The following UACA variants were observed in gnomAD, a reference collection of about 807,000 sequenced individuals.
The protein encoded by UACA is uveal autoantigen with coiled-coil domains and ankyrin repeats.
A neutral mutation model predicts 160.5 loss-of-function variants in UACA; 112 were observed. That is an observed-to-expected ratio of 0.70 (90% CI 0.60 to 0.82). The LOEUF (loss-of-function observed/expected upper bound fraction) is 0.82, where lower values mean the gene tolerates loss of function less well. Among genes scored for constraint, UACA ranks in the 40% least tolerant of loss-of-function variants. UACA has a pLI of 0.00. For missense variants in UACA, 1,574 were observed against 1,614.6 expected (o/e 0.97, Z 0.43); for synonymous variants, 557 against 568.4 (o/e 0.98, Z 0.29).
chr15:70,711,190 T>A (rs1265249921), intron 1 of UACA, among the ~76,000 whole-genome samples: 3 of 152,114 alleles, frequency 2.0e-5, no homozygotes, highest in East Asian at 3.9e-4. Flanking sequence ...TTCAGAAAAA[T>A]TTATATTTAT....
intron 9 of UACA, among the ~76,000 whole-genome samples, 170 bp downstream of exon 9, chr15:70,682,588 G>C (rs1897549437): frequency 1.3e-5 from 2 of 152,102 alleles, no homozygotes; most frequent in Non-Finnish European, 2.9e-5. Flanking sequence ...ATAGTATCTT[G>C]ATAGGACCTC....
At chr15:70,745,777 G>C (rs1269021623) in intron 1 of UACA, among the ~76,000 whole-genome samples, 1 of 152,092 alleles carries the variant, frequency 6.6e-6, no homozygotes, top group Non-Finnish European at 1.5e-5. Context: ...TAGACCAATG[G>C]AACAGAACAG....
chr15:70,715,750 G>A (rs192538426), intron 1 of UACA, among the ~76,000 whole-genome samples: 30 of 152,032 alleles, frequency 2.0e-4, no homozygotes, highest in Admixed American at 1.8e-3. Context: ...AAAATACATG[G>A]CCAAATTAAT....
the UACA span, chr15:70,778,815 A>G: frequency 3.5e-4 from 53 of 152,216 alleles, no homozygotes; most frequent in African/African-American, 1.3e-3. Flanking sequence ...CCATTTGTCT[A>G]CTGCATTCCA....
chr15:70,670,698 A>C (rs759224113), intron 15 of UACA, among the ~76,000 whole-genome samples: 5 of 152,052 alleles, frequency 3.3e-5, no homozygotes, highest in Non-Finnish European at 5.9e-5. Flanking sequence ...CCAAAAAATT[A>C]TATTTTGGAT....
At chr15:70,721,953 A>T (rs2140988648) in intron 1 of UACA, among the ~76,000 whole-genome samples, 2 of 152,378 alleles carry the variant, frequency 1.3e-5, no homozygotes, top group South Asian at 4.1e-4. Context: ...AAGAAAGGTG[A>T]TTCCATGAAC....
intron 2 of UACA, among the ~76,000 whole-genome samples, chr15:70,696,074 T>G (rs1342422339): frequency 6.6e-6 from 1 of 152,088 alleles, no homozygotes; most frequent in Non-Finnish European, 1.5e-5. Context: ...ATTCTAGAGA[T>G]GCCAGGAAAC....
intron 1 of UACA, among the ~76,000 whole-genome samples, chr15:70,761,801 C>T (rs1407424234): frequency 2.6e-5 from 4 of 152,290 alleles, no homozygotes; most frequent in African/African-American, 9.6e-5. Context: ...AAAATGCAAA[C>T]TATCATGCTG....
chr15:70,656,993 A>T lies in UACA; in HGVS notation c.*63T>A. 3 of 1,315,700 alleles carry T rather than the reference A, an allele frequency of 2.3e-6. No homozygotes were observed. The highest frequency in any genetic ancestry group is 3.3e-6 in the Non-Finnish European group (3 of 909,832). The allele number at this position is 1,315,700 out of a possible 1,614,324, so 81.5% of individuals were successfully genotyped here. Reference sequence around the variant, plus strand: ...ACAGTAAGGCCCAGAAAGACCATGGAGTTGCACAAAGAATGTTCAGCACCA... The same window carrying T: ...ACAGTAAGGCCCAGAAAGACCATGGTGTTGCACAAAGAATGTTCAGCACCA... On this transcript the variant is annotated 3_prime_UTR_variant, in exon 19 of 19. Transcript: ENST00000322954.
intron 1 of UACA, among the ~76,000 whole-genome samples, chr15:70,737,172 GTGTT>G (rs2140998959): frequency 6.6e-6 from 1 of 152,308 alleles, no homozygotes; most frequent in East Asian, 1.9e-4. Context: ...TCGGGGCTGA[GTGTT>G]TGAAACCAAA....
intron 1 of UACA, among the ~76,000 whole-genome samples, chr15:70,718,324 A>ATGTGTGTGTGTGTGTGTGTG (rs59313425): frequency 6.6e-5 from 4 of 60,228 alleles, no homozygotes; most frequent in Non-Finnish European, 8.9e-5. Flanking sequence ...GAGAGAGAGA[A>ATGTGTGTGTGTGTGTGTGTG]TGTGTGTGTG....
chr15:70,749,734 A>C (rs1025655065), intron 1 of UACA, among the ~76,000 whole-genome samples: 2 of 151,866 alleles, frequency 1.3e-5, no homozygotes, highest in Non-Finnish European at 2.9e-5. Flanking sequence ...TGGAGAAAAC[A>C]AATTAGCTAC....
intron 1 of UACA, among the ~76,000 whole-genome samples, chr15:70,726,695 T>C (rs1213490714): frequency 6.6e-6 from 1 of 152,230 alleles, no homozygotes; most frequent in Non-Finnish European, 1.5e-5. Flanking sequence ...AGACATTTTT[T>C]CTTTATATGT....
In UACA at chr15:70,668,966, A is replaced by G. The variant is rs1897039453; in HGVS notation, c.1718T>C (p.Ile573Thr). Residue 573 changes from isoleucine to threonine, a missense_variant, in exon 16 of 19, where the codon ATA becomes ACA. Coordinates refer to ENST00000322954, the MANE Select transcript of UACA (RefSeq NM_018003.4). ...TTCATCCCTCTTAAACTCTTCTACT[A>G]TCATCTCATTTTGTTTGATTTGGTT... ...LRNQIKQNEMIVEEFKRDEGK... is the reference protein window; with the variant it reads ...LRNQIKQNEMTVEEFKRDEGK... The G allele has an allele frequency of 1.2e-6, 2 of 1,613,652 alleles. No individual in the cohort carries two copies. The highest frequency in any genetic ancestry group is 8.5e-7 in the Non-Finnish European group (1 of 1,179,996).
intron 1 of UACA, among the ~76,000 whole-genome samples, chr15:70,736,732 C>A (rs1039265457): frequency 2.5e-4 from 38 of 152,192 alleles, no homozygotes; most frequent in African/African-American, 8.9e-4. Flanking sequence ...AGCCACCGCA[C>A]CCAGCCTCAA....
intron 1 of UACA, among the ~76,000 whole-genome samples, chr15:70,752,518 T>A (rs1177790657): frequency 6.6e-6 from 1 of 152,108 alleles, no homozygotes; most frequent in Non-Finnish European, 1.5e-5. Context: ...GTGTTCTTGT[T>A]CTCTCTCCCC....
At position 70,687,646 on chromosome 15, in the gene UACA, C is replaced by G; in HGVS notation, c.496G>C (p.Asp166His). The G allele has an allele frequency of 2.5e-6, 4 of 1,613,852 alleles. No homozygotes were observed. The highest frequency in any genetic ancestry group is 1.3e-5 in the African/African-American group (1 of 75,034). The change falls in exon 7 of 19, where the codon GAC becomes CAC. Residue 166 changes from aspartate to histidine, a missense_variant and splice_region_variant. Transcript: ENST00000322954. Reference protein sequence around the residue: ...HGASVNAKDVDGRTPLVLATQ... With the variant: ...HGASVNAKDVHGRTPLVLATQ... ...GCCAGAACAAGTGGTGTCCGCCCGT[C>G]CTAAGCAACAGGAAAAATAAAACAG...
At chr15:70,725,006 C>T (rs1413242361) in intron 1 of UACA, among the ~76,000 whole-genome samples, 1 of 151,562 alleles carries the variant, frequency 6.6e-6, no homozygotes, top group Non-Finnish European at 1.5e-5. Context: ...TTGGGAGGAT[C>T]ACTTAAGCAA....
intron 1 of UACA, among the ~76,000 whole-genome samples, chr15:70,726,064 T>C (rs1328567642): frequency 6.6e-6 from 1 of 152,170 alleles, no homozygotes; most frequent in Non-Finnish European, 1.5e-5. Flanking sequence ...ATTCCCACTG[T>C]TCTGCTTGCA....
Sources: gnomAD v4.1 joint callset for allele counts (sites outside exome capture counted in the v4.1 genomes callset) on GRCh38, gnomAD v4.1.1 for gene constraint, MANE v1.5 for transcripts, NCBI Gene and HGNC (gene_info 2026-07-23, HGNC 2026-07-21) for gene names.